Variants in ZEB2 observed in about 807,000 individuals in gnomAD.
The protein encoded by ZEB2 is zinc finger E-box-binding homeobox 2.
Under a neutral mutation model 99.9 loss-of-function variants are expected in ZEB2, and 6 were observed. That is an observed-to-expected ratio of 0.06 (90% CI 0.03 to 0.12). ZEB2 has a LOEUF of 0.12. Among genes scored for constraint, ZEB2 ranks in the 10% least tolerant of loss-of-function variants. The pLI, the probability that ZEB2 is intolerant of heterozygous loss-of-function variation, is 1.00. For missense variants in ZEB2, 969 were observed against 1,502.8 expected (o/e 0.64, Z 5.87); for synonymous variants, 517 against 542.5 (o/e 0.95, Z 0.65).
chr2:144,512,115 A>G, intron 2 of ZEB2: 2 of 1,287,228 alleles, frequency 1.6e-6, no homozygotes, highest in Non-Finnish European at 2.0e-6. Flanking sequence ...AGCACCATTG[A>G]CGTTATAAAC....
chr2:144,398,509 G>T lies in ZEB2; in HGVS notation c.2678C>A (p.Pro893His), dbSNP rs1470387877. 3 of 1,614,072 alleles carry T rather than the reference G, an allele frequency of 1.9e-6. No individual in the cohort carries two copies. Among genetic ancestry groups the T allele is most frequent in the Non-Finnish European group, 2.5e-6 (3 of 1,179,994 alleles). The change falls in exon 8 of 10, where the codon CCT becomes CAT. Residue 893 changes from proline (P) to histidine (H), a missense_variant. Around this residue, in one of 8 missense-constraint regions of ZEB2, gnomAD observed 346 missense variants for 460.0 expected, o/e 0.75. Coordinates refer to ENST00000627532, the MANE Select transcript of ZEB2 (RefSeq NM_014795.4). ...VFSMNPFSAK[P>H]LYTALPPQSA... ...TTGAGGTGGAAGAGCTGTGTATAAA[G>T]GTTTGGCACTAAATGGGTTCATGCT...
At chr2:144,435,068 C>A (rs1703818947) in intron 2 of ZEB2, among the ~76,000 whole-genome samples, 1 of 152,142 alleles carries the variant, frequency 6.6e-6, no homozygotes, top group South Asian at 2.1e-4. Flanking sequence ...ACCATTGTTT[C>A]AGTGTCTGTT....
In ZEB2 at chr2:144,429,885, G is replaced by A; in HGVS notation, c.215C>T (p.Pro72Leu). Residue 72 changes from proline (P) to leucine (L), a missense_variant, in exon 3 of 10, where the codon CCA (proline) becomes CTA (leucine). Transcript: ENST00000627532. ...PASVPNHESS[P>L]HVSQALLPRE... ...TGGCAACAGAGCTTGGCTCACGTGT[G>A]GGGAGGACTCATGGTTGGGCACACT... is the stretch of plus-strand genomic sequence containing the variant. 6.2e-7 allele frequency: 1 copy of A among 1,613,774 alleles called. No homozygotes were observed. The highest frequency in any genetic ancestry group is 1.1e-5 in the South Asian group (1 of 91,066).
chr2:144,396,969 T>C (rs538102293), intron 8 of ZEB2, among the ~76,000 whole-genome samples: 1 of 152,306 alleles, frequency 6.6e-6, no homozygotes, highest in African/African-American at 2.4e-5. Flanking sequence ...TTAGAAATGA[T>C]CTGTAGCTGT....
chr2:144,391,683 G>A (rs960320609), intron 9 of ZEB2, among the ~76,000 whole-genome samples: 6 of 152,176 alleles, frequency 3.9e-5, no homozygotes, highest in African/African-American at 1.4e-4. Context: ...TTTGTCTCCC[G>A]GGAAACTTCA....
At chr2:144,469,483 C>T (rs9287360) in intron 2 of ZEB2, among the ~76,000 whole-genome samples, 92,070 of 151,926 alleles carry the variant, frequency 0.61, 28,644 homozygotes, top group Non-Finnish European at 0.69. Flanking sequence ...ACTATTCATA[C>T]AATTCTACAC....
chr2:144,462,982 T>G (rs1704216076), intron 2 of ZEB2: 1 of 152,178 alleles, frequency 6.6e-6, no homozygotes, highest in South Asian at 2.1e-4. Flanking sequence ...TTTGGTAAAT[T>G]CAGCATTTTA....
chr2:144,491,402 G>T (rs542805690), intron 2 of ZEB2, among the ~76,000 whole-genome samples: 7 of 151,580 alleles, frequency 4.6e-5, no homozygotes. Context: ...TGAAAAAAGG[G>T]GGCACAAAAG....
At chr2:144,456,959 C>T (rs1362773972) in intron 2 of ZEB2, among the ~76,000 whole-genome samples, 3 of 152,134 alleles carry the variant, frequency 2.0e-5, no homozygotes, top group Non-Finnish European at 4.4e-5. Context: ...TTCCAGCTCT[C>T]ACACTCAAGA....
chr2:144,420,463 A>C (rs1187629297), intron 4 of ZEB2, among the ~76,000 whole-genome samples: 1 of 152,214 alleles, frequency 6.6e-6, no homozygotes, highest in Non-Finnish European at 1.5e-5. Flanking sequence ...TCAGCCAATG[A>C]GGTAGATACC....
intron 1 of ZEB2, chr2:144,518,152 C>T: frequency 6.6e-6 from 1 of 150,720 alleles, no homozygotes; most frequent in South Asian, 1.8e-4. Flanking sequence ...CACACATGCT[C>T]CCCCACACTG....
chr2:144,482,432 C>T (rs1316221545), intron 2 of ZEB2: 2 of 152,196 alleles, frequency 1.3e-5, no homozygotes, highest in Non-Finnish European at 2.9e-5. Flanking sequence ...TTTATTCTTT[C>T]GTTCTAACCA....
chr2:144,404,105 A>G lies in ZEB2; in HGVS notation c.618T>C (p.Ala206=), dbSNP rs1189173413. Residue 206 remains alanine, a synonymous_variant, in exon 6 of 10, where the codon GCT becomes GCC. Transcript: ENST00000627532. Reference sequence around the variant, plus strand: ...AGGGGCAGGTCAGCAGTTGGGCAAAAGCATCTGGAGTTCCAGGTGGCAGGT... The same window carrying G: ...AGGGGCAGGTCAGCAGTTGGGCAAAGGCATCTGGAGTTCCAGGTGGCAGGT... The part of the protein sequence containing the change: ...ENDLPPGTPD[A]FAQLLTCPYC... 2 of 1,613,998 alleles carry G rather than the reference A, an allele frequency of 1.2e-6. No individual in the cohort carries two copies. Among genetic ancestry groups the G allele is most frequent in the Non-Finnish European group, 1.7e-6 (2 of 1,179,992 alleles).
intron 2 of ZEB2, among the ~76,000 whole-genome samples, chr2:144,507,727 C>T (rs1289693311): frequency 6.6e-6 from 1 of 152,184 alleles, no homozygotes; most frequent in Non-Finnish European, 1.5e-5. Context: ...TATCTGATGA[C>T]ACAGTGATCA....
At chr2:144,451,970 T>C (rs902106989) in intron 2 of ZEB2, among the ~76,000 whole-genome samples, 1 of 152,186 alleles carries the variant, frequency 6.6e-6, no homozygotes, top group East Asian at 1.9e-4. Context: ...AATAACATCT[T>C]CCTATGTGTT....
intron 3 of ZEB2, among the ~76,000 whole-genome samples, chr2:144,425,244 T>C (rs1703676325): frequency 6.6e-6 from 1 of 152,234 alleles, no homozygotes; most frequent in South Asian, 2.1e-4. Context: ...CTGGAAACTC[T>C]GGATGCTTAG....
In ZEB2 at chr2:144,387,092, A is replaced by T. The variant is rs1703096412; in HGVS notation, c.*2359T>A. The T allele has an allele frequency of 6.7e-6, 1 of 149,920 alleles. No individual in the cohort carries two copies. The highest frequency in any genetic ancestry group is 2.1e-4 in the South Asian group (1 of 4,750). 9.3% of individuals were successfully genotyped at this position (149,920 alleles called of 1,614,324 possible). ...ACACACACATACACACTTTCTATTG[A>T]GTTTCAAGTTGCAAAGAATGACTTT... On this transcript the variant is annotated 3_prime_UTR_variant, in exon 10 of 10. Transcript: ENST00000627532.
At chr2:144,486,375 T>G (rs994096997) in intron 2 of ZEB2, among the ~76,000 whole-genome samples, 2 of 152,030 alleles carry the variant, frequency 1.3e-5, no homozygotes, top group Non-Finnish European at 2.9e-5. Context: ...AGAAGGTTTT[T>G]TTTTTTTTTA....
At chr2:144,422,947 T>C (rs1299865065) in intron 4 of ZEB2, among the ~76,000 whole-genome samples, 1 of 152,260 alleles carries the variant, frequency 6.6e-6, no homozygotes, top group Non-Finnish European at 1.5e-5. Context: ...AATGAAATGA[T>C]AACCATGTTT....
Sources: allele counts gnomAD v4.1 joint callset (sites outside exome capture counted in the v4.1 genomes callset), GRCh38; gene constraint gnomAD v4.1.1; regional missense constraint gnomAD v4.1.1; transcripts MANE v1.5; gene names NCBI Gene and HGNC (gene_info 2026-07-23, HGNC 2026-07-21).